The following RFX4 variants were observed in gnomAD, a reference collection of about 807,000 sequenced individuals.
RFX4 encodes transcription factor RFX4.
In RFX4, 10 loss-of-function variants were observed where a neutral mutation model predicts 95.0. The ratio of observed to expected loss-of-function variants is 0.11; its 90% CI spans 0.06 to 0.18. The LOEUF is 0.18. RFX4 is among the 10% of genes least tolerant of loss of function. The probability of loss-of-function intolerance (pLI) is 1.00; values close to 1 mark genes in which losing one functional copy is unlikely to be tolerated. For missense variants in RFX4, 640 were observed against 922.0 expected, an observed-to-expected ratio of 0.69 and a Z score of 3.96; for synonymous variants, 321 against 340.7, an observed-to-expected ratio of 0.94 and a Z score of 0.64.
chr12:106,600,547 T>A (rs2039686775), intron 1 of RFX4, among the ~76,000 whole-genome samples: 2 of 152,196 alleles, frequency 1.3e-5, no homozygotes, highest in East Asian at 1.9e-4. Flanking sequence ...CCATAAATAG[T>A]TGCCAAATGC....
At chr12:106,665,079 G>A (rs1240382059) in intron 4 of RFX4, among the ~76,000 whole-genome samples, 1 of 151,766 alleles carries the variant, frequency 6.6e-6, no homozygotes, top group East Asian at 1.9e-4. Flanking sequence ...TTCTGATAGA[G>A]GGGTATTGAA....
intron 4 of RFX4, among the ~76,000 whole-genome samples, chr12:106,670,273 T>G (rs908145731): frequency 6.6e-6 from 1 of 152,180 alleles, no homozygotes; most frequent in Non-Finnish European, 1.5e-5. Context: ...CGCCCTCTCT[T>G]ATTATCATCT....
chr12:106,759,934 C>T (rs2043180232), intron 17 of RFX4, among the ~76,000 whole-genome samples: 1 of 152,146 alleles, frequency 6.6e-6, no homozygotes, highest in Non-Finnish European at 1.5e-5. Flanking sequence ...TAAGCGCCTT[C>T]CCCAGCTCCC....
intron 7 of RFX4, chr12:106,693,093 C>T (rs755551059): frequency 2.0e-5 from 9 of 441,026 alleles, no homozygotes; most frequent in Non-Finnish European, 4.1e-5. Context: ...ATCCTGTCAG[C>T]TCCACCTTCT....
chr12:106,599,160 G>A (rs2039662230), intron 1 of RFX4, among the ~76,000 whole-genome samples: 2 of 148,472 alleles, frequency 1.3e-5, no homozygotes, highest in Non-Finnish European at 3.0e-5. Flanking sequence ...GAGTTTCCTC[G>A]TTCTTTTTTT....
chr12:106,691,896 C>T (rs963720434), intron 7 of RFX4, among the ~76,000 whole-genome samples: 10 of 152,126 alleles, frequency 6.6e-5, no homozygotes, highest in Admixed American at 1.3e-4. Flanking sequence ...CAGTGGCTCA[C>T]GCCTGTAATC....
chr12:106,750,889 G>A lies in RFX4; in HGVS notation c.1935+96G>A, dbSNP rs576246985. Reference sequence around the variant, plus strand: ...ATAAACTGTTATGCATACTGTGTGTGCAGCGTGTGTGTCCCCAAGGAGAGG... The same window carrying A: ...ATAAACTGTTATGCATACTGTGTGTACAGCGTGTGTGTCCCCAAGGAGAGG... On this transcript the variant is annotated intron_variant, in intron 17 of 17. Coordinates refer to ENST00000392842, the MANE Select transcript of RFX4 (RefSeq NM_213594.3). 50 of 1,155,010 alleles carry A rather than the reference G, an allele frequency of 4.3e-5. 1 individual carries two copies. In the Admixed American group the frequency reaches 9.7e-4, roughly 22 times the overall value. 71.5% of individuals were successfully genotyped at this position (1,155,010 alleles called of 1,614,324 possible).
chr12:106,634,082 G>A lies in RFX4; in HGVS notation c.131-5250G>A, dbSNP rs987245598. On this transcript the variant is annotated intron_variant, in intron 2 of 17. Coordinates refer to ENST00000392842, the MANE Select transcript of RFX4 (RefSeq NM_213594.3). Reference sequence around the variant, plus strand: ...CCCTGATAAAAGATGAGGCAAATAGGATAAAAAGATAACAGTTGTTCCCTC... The same window carrying A: ...CCCTGATAAAAGATGAGGCAAATAGAATAAAAAGATAACAGTTGTTCCCTC... Among the ~76,000 whole-genome samples the A allele has an allele frequency of 5.9e-5, 9 of 152,222 alleles. 1 individual carries two copies. Among genetic ancestry groups the A allele is most frequent in the Admixed American group, 3.3e-4 (5 of 15,284 alleles).
chr12:106,735,250 G>T (rs2042689369), intron 15 of RFX4, among the ~76,000 whole-genome samples: 1 of 152,010 alleles, frequency 6.6e-6, no homozygotes, highest in South Asian at 2.1e-4. Flanking sequence ...TGATAATGTG[G>T]CAAAAAGAAA....
chr12:106,691,490 ATT>A (rs2041782721), intron 7 of RFX4, among the ~76,000 whole-genome samples: 1 of 152,218 alleles, frequency 6.6e-6, no homozygotes, highest in Admixed American at 6.5e-5. Flanking sequence ...GAAGGGAGAC[ATT>A]TTACCTCTGA....
chr12:106,738,245 T>C (rs1013014647), intron 15 of RFX4, among the ~76,000 whole-genome samples: 5 of 152,236 alleles, frequency 3.3e-5, no homozygotes, highest in African/African-American at 9.6e-5. Flanking sequence ...AGGGAAATTA[T>C]ACAAATAAAA....
chr12:106,644,230 CT>C (rs756140160), intron 3 of RFX4, among the ~76,000 whole-genome samples: 11,245 of 128,368 alleles, frequency 0.088, 226 homozygotes, highest in Non-Finnish European at 0.11. Flanking sequence ...GCCATTTCCC[CT>C]TTTTTTTTTT....
At chr12:106,609,164 A>T (rs1165745764) in intron 2 of RFX4, among the ~76,000 whole-genome samples, 6 of 152,222 alleles carry the variant, frequency 3.9e-5, no homozygotes, top group African/African-American at 1.4e-4. Flanking sequence ...ACCTTGTTAT[A>T]GTGACGCTCT....
chr12:106,642,396 G>A (rs982210872), intron 3 of RFX4, among the ~76,000 whole-genome samples: 1 of 151,812 alleles, frequency 6.6e-6, no homozygotes, highest in Non-Finnish European at 1.5e-5. Flanking sequence ...TGGGAGGATC[G>A]CTTGAAGCCA....
chr12:106,760,411 T>C (rs2043188917), intron 17 of RFX4, among the ~76,000 whole-genome samples: 1 of 152,156 alleles, frequency 6.6e-6, no homozygotes, highest in African/African-American at 2.4e-5. Flanking sequence ...CTCCTAATCC[T>C]TTCTAGAACT....
At chr12:106,622,157 C>G (rs933784271) in intron 2 of RFX4, among the ~76,000 whole-genome samples, 1 of 151,914 alleles carries the variant, frequency 6.6e-6, no homozygotes, top group African/African-American at 2.4e-5. Context: ...TGACTCTTGT[C>G]CAAATAAAAG....
At chr12:106,620,304 G>T (rs564914891) in intron 2 of RFX4, among the ~76,000 whole-genome samples, 1 of 152,032 alleles carries the variant, frequency 6.6e-6, no homozygotes, top group East Asian at 1.9e-4. Flanking sequence ...CATAAGTGTC[G>T]GCTGGCTGAG....
chr12:106,614,791 G>A (rs557193366), intron 2 of RFX4, among the ~76,000 whole-genome samples: 1 of 152,226 alleles, frequency 6.6e-6, no homozygotes, highest in East Asian at 1.9e-4. Context: ...TTACAGGCGT[G>A]AGCCACCACG....
At chr12:106,667,621 C>G (rs2041202899) in intron 4 of RFX4, among the ~76,000 whole-genome samples, 1 of 152,178 alleles carries the variant, frequency 6.6e-6, no homozygotes, top group South Asian at 2.1e-4. Flanking sequence ...TACCACAGTA[C>G]TGGGTCCTGA....
Sources: allele counts gnomAD v4.1 joint callset (sites outside exome capture counted in the v4.1 genomes callset), GRCh38; gene constraint gnomAD v4.1.1; transcripts MANE v1.5; gene names NCBI Gene and HGNC (gene_info 2026-07-23, HGNC 2026-07-21).